ZNF266: variants seen among roughly 807,000 people sequenced by gnomAD.
ZNF266 encodes the protein zinc finger protein 1.
Under a neutral mutation model 16.4 loss-of-function variants are expected in ZNF266, and 16 were observed. The observed-to-expected ratio is 0.98, with a 90% CI of 0.66 to 1.48. ZNF266 has a LOEUF of 1.48. Among genes scored for constraint, ZNF266 ranks in the 40% most tolerant of loss-of-function variants. ZNF266 has a pLI of 0.00. For synonymous variants in ZNF266, 262 were observed against 237.9 expected, an observed-to-expected ratio of 1.10 and a Z score of -0.93; for missense variants, 738 against 689.1, an observed-to-expected ratio of 1.07 and a Z score of -0.79.
At chr19:9,416,116 C>T (rs961612927) in intron 9 of ZNF266, among the ~76,000 whole-genome samples, 6 of 152,132 alleles carry the variant, frequency 3.9e-5, no homozygotes, top group Admixed American at 6.5e-5. Context: ...GCCACCACAC[C>T]CGGCCCCTGT....
Position 9,414,763 on chromosome 19 carries a change from T to C in ZNF266, c.406-43A>G, listed in dbSNP as rs377176217. 32 of 1,504,124 alleles carry C rather than the reference T, an allele frequency of 2.1e-5. No homozygotes were observed. In the Admixed American group the frequency reaches 4.3e-4, roughly 20 times the overall value. 93.2% of individuals were successfully genotyped at this position (1,504,124 alleles called of 1,614,324 possible). ...AATGATGATTAAAGGACGGTTCAGA[T>C]TGATTAACAGATTCCACTCATCTGA... On this transcript the variant is annotated intron_variant, in intron 10 of 10. Transcript: ENST00000592904.
In ZNF266 at chr19:9,420,079, G is replaced by A. The variant is rs1328245190; in HGVS notation, c.11C>T (p.Thr4Ile). ...ACAGGACTTACCATAGGACAAATCA[G>A]TGGCTGCCATCCCACAGGGCTGATG... MAA[T>I]DLSYGLYRDP... Residue 4 changes from threonine (T) to isoleucine (I), a missense_variant, in exon 6 of 11, where the codon ACT (threonine) becomes ATT (isoleucine). Physicochemically the swap from Thr to Ile is moderately conservative, Grantham distance 89. Coordinates refer to ENST00000592904, the MANE Select transcript of ZNF266 (RefSeq NM_001370374.1). The A allele has an allele frequency of 6.5e-6, 1 of 153,140 alleles. No individual in the cohort carries two copies. Among genetic ancestry groups the A allele is most frequent in the Non-Finnish European group, 1.5e-5 (1 of 68,490 alleles). The allele number at this position is 153,140 out of a possible 1,614,324, so 9.5% of individuals were successfully genotyped here.
In ZNF266 at chr19:9,414,192, A is replaced by C. The variant is rs751797653; in HGVS notation, c.934T>G (p.Cys312Gly). The change falls in exon 11 of 11, where the codon TGT becomes GGT. Residue 312 changes from cysteine (C) to glycine (G), a missense_variant. Cys to Gly is a radical substitution (Grantham distance 159). Coordinates refer to ENST00000592904, the MANE Select transcript of ZNF266 (RefSeq NM_001370374.1). ...TGDNPYECKE[C>G]GKAFTRSCQL... ...CAAGACCTGGTGAAGGCTTTCCCAC[A>C]CTCCTTACACTCATAGGGATTGTCT... is the stretch of plus-strand genomic sequence containing the variant. The C allele has an allele frequency of 4.3e-6, 7 of 1,613,738 alleles. No homozygotes were observed. In the African/African-American group the frequency reaches 8.0e-5, roughly 18 times the overall value.
At chr19:9,414,965 C>A (rs2068759237) in intron 10 of ZNF266, among the ~76,000 whole-genome samples, 1 of 152,190 alleles carries the variant, frequency 6.6e-6, no homozygotes, top group Admixed American at 6.5e-5. Context: ...AACTCACTAT[C>A]TAGTTACAAA....
At chr19:9,423,996 CA>C (rs1355605030) in intron 5 of ZNF266, among the ~76,000 whole-genome samples, 2 of 151,964 alleles carry the variant, frequency 1.3e-5, no homozygotes, top group African/African-American at 4.8e-5. Context: ...GACTCCATCT[CA>C]AAACAAAACA....
chr19:9,418,817 G>A (rs1349933322), intron 7 of ZNF266, 186 bp from the exon 8 acceptor site: 1 of 480,370 alleles, frequency 2.1e-6, no homozygotes, highest in African/African-American at 1.9e-5. Flanking sequence ...ACACATGATT[G>A]TATGTAACAC....
intron 6 of ZNF266, 98 bp from the exon 7 acceptor site, chr19:9,419,397 A>G (rs902249388): frequency 6.6e-6 from 1 of 152,592 alleles, no homozygotes; most frequent in Non-Finnish European, 1.5e-5. Context: ...AGATTCCTAT[A>G]TACTCCCGCA....
At position 9,420,215 on chromosome 19, in the gene ZNF266, T is replaced by C. The variant is rs533229247; in HGVS notation, c.-126A>G. On this transcript the variant is annotated 5_prime_UTR_variant, in exon 6 of 11. In the 5' UTR this introduces an upstream ATG that the reference lacks. Transcript: ENST00000592904. ...CATTCTCTTTATCCAGGGTTAACGGTATCCTGTTTGTATAAATCATTAATC... is the reference window on the plus strand; with the variant it reads ...CATTCTCTTTATCCAGGGTTAACGGCATCCTGTTTGTATAAATCATTAATC... 8 of 152,558 alleles carry C rather than the reference T, an allele frequency of 5.2e-5. No homozygotes were observed. The highest frequency in any genetic ancestry group is 1.9e-4 in the African/African-American group (8 of 41,594). The allele number at this position is 152,558 out of a possible 1,614,324, so 9.5% of individuals were successfully genotyped here. A position where few individuals can be genotyped will look rare whatever the true frequency, so the allele number is the denominator to read the frequency against.
intron 5 of ZNF266, among the ~76,000 whole-genome samples, chr19:9,428,816 G>A (rs1158416471): frequency 6.6e-6 from 1 of 151,786 alleles, no homozygotes; most frequent in Non-Finnish European, 1.5e-5. Context: ...CACAATACGA[G>A]GCCTTGCCAG....
chr19:9,418,443 T>C, intron 8 of ZNF266, 62 bp downstream of exon 8: 3 of 1,559,216 alleles, frequency 1.9e-6, no homozygotes, highest in Non-Finnish European at 2.7e-6. Flanking sequence ...TGATGTGCAA[T>C]ACAGTAAGTA....
At chr19:9,414,998 A>G (rs2068762388) in intron 10 of ZNF266, among the ~76,000 whole-genome samples, 1 of 152,198 alleles carries the variant, frequency 6.6e-6, no homozygotes, top group Non-Finnish European at 1.5e-5. Context: ...GGGAACTCTA[A>G]AACACCTAAG....
chr19:9,431,580 GTGTT>G (rs1159045846), intron 5 of ZNF266, among the ~76,000 whole-genome samples: 1 of 152,214 alleles, frequency 6.6e-6, no homozygotes, highest in Non-Finnish European at 1.5e-5. Flanking sequence ...CCCCAGAGGT[GTGTT>G]TGTCACAGCA....
At chr19:9,423,387 G>A (rs1048863415) in intron 5 of ZNF266, among the ~76,000 whole-genome samples, 3 of 152,108 alleles carry the variant, frequency 2.0e-5, no homozygotes, top group Non-Finnish European at 2.9e-5. Context: ...CACCACCCAC[G>A]GAATCACAAC....
Position 9,414,320 on chromosome 19 carries a change from C to T in ZNF266, c.806G>A (p.Arg269His), listed in dbSNP as rs117092996. The T allele has an allele frequency of 1.7e-3, 2,724 of 1,613,890 alleles. 7 individuals are homozygous for T. Among genetic ancestry groups the T allele is most frequent in the Non-Finnish European group, 1.7e-3 (2,061 of 1,179,904 alleles). Residue 269 changes from arginine to histidine, a missense_variant, in exon 11 of 11, where the codon CGT becomes CAT. Arg to His is a conservative substitution (Grantham distance 29, BLOSUM62 0). Transcript: ENST00000592904. ...TTTTTCTGACCTGTGAGTTTGTATA[C>T]GCACAGCAAGGTCTGTGGAGTGAAT... Reference protein sequence around the residue: ...GFIHSTDLAVRIQTHRSEKPY... With the variant: ...GFIHSTDLAVHIQTHRSEKPY...
At position 9,414,283 on chromosome 19, in the gene ZNF266, A is replaced by G; in HGVS notation, c.843T>C (p.Cys281=). The change falls in exon 11 of 11, where the codon TGT becomes TGC. Residue 281 remains cysteine, a synonymous_variant. Coordinates refer to ENST00000592904, the MANE Select transcript of ZNF266 (RefSeq NM_001370374.1). Reference sequence around the variant, plus strand: ...ATCTAAATCCTTTTCCACATTCCTTACATTTGTAGGGTTTTTCTGACCTGT... The same window carrying G: ...ATCTAAATCCTTTTCCACATTCCTTGCATTTGTAGGGTTTTTCTGACCTGT... ...QTHRSEKPYK[C]KECGKGFRYS... 6.2e-7 allele frequency: 1 copy of G among 1,614,104 alleles called. No homozygotes were observed. The highest frequency in any genetic ancestry group is 1.1e-5 in the South Asian group (1 of 91,080).
At chr19:9,414,798 C>G in intron 10 of ZNF266, 78 bp from the exon 11 acceptor site, 1 of 1,395,318 alleles carries the variant, frequency 7.2e-7, no homozygotes, top group Non-Finnish European at 9.5e-7. Context: ...AAGAGAGGAA[C>G]ACTGTGATGA....
At chr19:9,428,174 T>A (rs1433315782) in intron 5 of ZNF266, among the ~76,000 whole-genome samples, 2 of 152,098 alleles carry the variant, frequency 1.3e-5, no homozygotes, top group African/African-American at 4.8e-5. Flanking sequence ...TGGGCTCTCC[T>A]GGAAACAGAG....
chr19:9,431,591 A>G (rs537391603), intron 5 of ZNF266, among the ~76,000 whole-genome samples: 5 of 152,208 alleles, frequency 3.3e-5, no homozygotes, highest in Non-Finnish European at 7.3e-5. Context: ...TGTTTGTCAC[A>G]GCACTTCCAG....
In ZNF266 at chr19:9,413,956, G is replaced by GTAA; in HGVS notation, c.1169_1170insTTA (p.Pro390_Phe391insTyr). ...ATTTTCCACATATCTTACATTCAAA[G>GTAA]GGATCCTTTGCAGTGTGAGTTTTTA... On this transcript the variant is annotated inframe_insertion, in exon 11 of 11. Coordinates refer to ENST00000592904, the MANE Select transcript of ZNF266 (RefSeq NM_001370374.1). 1 of 1,614,136 alleles carries GTAA rather than the reference G, an allele frequency of 6.2e-7. No homozygotes were observed. Among genetic ancestry groups the GTAA allele is most frequent in the Non-Finnish European group, 8.5e-7 (1 of 1,180,030 alleles).
Sources: gnomAD v4.1 joint callset for allele counts (sites outside exome capture counted in the v4.1 genomes callset) on GRCh38, gnomAD v4.1.1 for gene constraint, MANE v1.5 for transcripts, NCBI Gene and HGNC (gene_info 2026-07-23, HGNC 2026-07-21) for gene names.